The following TIMP2 variants were observed in gnomAD, a reference collection of about 807,000 sequenced individuals.
TIMP2 encodes metalloproteinase inhibitor 2.
Under a neutral mutation model 24.3 loss-of-function variants are expected in TIMP2, and 5 were observed. That is an observed-to-expected ratio of 0.21 (90% CI 0.11 to 0.43). The LOEUF (loss-of-function observed/expected upper bound fraction) is 0.43, where lower values mean the gene tolerates loss of function less well. TIMP2 is among the 20% of genes least tolerant of loss of function. The probability of loss-of-function intolerance (pLI) is 1.00; values close to 1 mark genes in which losing one functional copy is unlikely to be tolerated. For missense variants in TIMP2, 221 were observed against 297.5 expected (o/e 0.74, Z 1.89); for synonymous variants, 130 against 123.2 (o/e 1.06, Z -0.37).
At chr17:78,860,241 T>C (rs1017543048) in intron 3 of TIMP2, among the ~76,000 whole-genome samples, 1 of 151,994 alleles carries the variant, frequency 6.6e-6, no homozygotes, top group Non-Finnish European at 1.5e-5. Flanking sequence ...CAGCCCCTTG[T>C]GAAGAGACAC....
intron 1 of TIMP2, among the ~76,000 whole-genome samples, chr17:78,914,270 T>TTTATTTATTTAC (rs1244056496): frequency 2.1e-4 from 19 of 92,210 alleles, no homozygotes; most frequent in Admixed American, 8.2e-4. Flanking sequence ...CATTTATTTA[T>TTTATTTATTTAC]TTATTTATTT....
chr17:78,882,247 C>T (rs1255776661), intron 1 of TIMP2, among the ~76,000 whole-genome samples: 2 of 152,356 alleles, frequency 1.3e-5, no homozygotes, highest in East Asian at 1.9e-4. Context: ...GCTGGGATTA[C>T]AGGCGTGAGC....
intron 3 of TIMP2, among the ~76,000 whole-genome samples, chr17:78,867,090 G>A (rs761335958): frequency 1.2e-4 from 19 of 152,022 alleles, no homozygotes; most frequent in Non-Finnish European, 2.1e-4. Context: ...GTGAAACCCC[G>A]TATCTACTAA....
At chr17:78,914,672 C>G (rs879750189) in intron 1 of TIMP2, among the ~76,000 whole-genome samples, 10 of 151,962 alleles carry the variant, frequency 6.6e-5, no homozygotes, top group Non-Finnish European at 1.3e-4. Flanking sequence ...AACTCCTGGG[C>G]TCCAGTGATC....
At chr17:78,876,064 G>A (rs915827204) in intron 1 of TIMP2, among the ~76,000 whole-genome samples, 22 of 152,146 alleles carry the variant, frequency 1.4e-4, no homozygotes, top group Non-Finnish European at 2.5e-4. Flanking sequence ...CAGAACAGAC[G>A]GCTTTGCCCT....
intron 1 of TIMP2, among the ~76,000 whole-genome samples, chr17:78,922,048 C>T (rs539112279): frequency 2.3e-3 from 341 of 151,344 alleles, no homozygotes; most frequent in African/African-American, 6.9e-3. Flanking sequence ...GGTCACAGCC[C>T]TGGTTAAATC....
At chr17:78,893,461 G>C (rs537221803) in intron 1 of TIMP2, among the ~76,000 whole-genome samples, 5 of 150,542 alleles carry the variant, frequency 3.3e-5, no homozygotes, top group African/African-American at 1.2e-4. Context: ...GTGTGCAGGG[G>C]TGTGTGTGCA....
intron 1 of TIMP2, among the ~76,000 whole-genome samples, chr17:78,906,156 A>AC (rs2145789299): frequency 6.6e-6 from 1 of 152,202 alleles, no homozygotes; most frequent in South Asian, 2.1e-4. Flanking sequence ...AGATGGCTTG[A>AC]CCCCAGGAGT....
chr17:78,855,644 C>T lies in TIMP2; in HGVS notation c.*23G>A. On this transcript the variant is annotated 3_prime_UTR_variant, in exon 5 of 5. Coordinates refer to ENST00000262768, the MANE Select transcript of TIMP2 (RefSeq NM_003255.5). This position sits in a 1 kb window ranked among gnomAD's most constrained non-coding sequence, Gnocchi z 6.0. ...CCTTGGAGGCTTTTTTTGCAGTTGG[C>T]CACAGGGGCGTTGGAGGCCTGCTTA... The T allele has an allele frequency of 6.2e-7, 1 of 1,611,278 alleles. No homozygotes were observed.
chr17:78,864,081 T>C (rs1205722534), intron 3 of TIMP2, among the ~76,000 whole-genome samples: 1 of 152,134 alleles, frequency 6.6e-6, no homozygotes, highest in Non-Finnish European at 1.5e-5. Context: ...AGTCGTTATC[T>C]TTTTCTCTTC....
chr17:78,913,645 A>G (rs1237845421), intron 1 of TIMP2, among the ~76,000 whole-genome samples: 1 of 152,146 alleles, frequency 6.6e-6, no homozygotes, highest in Non-Finnish European at 1.5e-5. Flanking sequence ...CAGGAGGCTG[A>G]GGCTGCAGTG....
At chr17:78,869,896 G>A (rs1468486247) in intron 3 of TIMP2, among the ~76,000 whole-genome samples, 1 of 152,248 alleles carries the variant, frequency 6.6e-6, no homozygotes, top group African/African-American at 2.4e-5. Context: ...ACTGAAATAA[G>A]CCAGACAGAG....
intron 1 of TIMP2, among the ~76,000 whole-genome samples, chr17:78,878,409 C>T (rs1303127971): frequency 6.6e-6 from 1 of 152,140 alleles, no homozygotes; most frequent in Non-Finnish European, 1.5e-5. Flanking sequence ...GGAACTAATG[C>T]GTGTACAGTT....
chr17:78,890,755 G>A, intron 1 of TIMP2: 1 of 1,550,662 alleles, frequency 6.4e-7, no homozygotes. Context: ...GACTGTGCCG[G>A]TCGTCGTCGG....
chr17:78,892,281 G>A (rs1403354380), intron 1 of TIMP2: 1 of 1,550,622 alleles, frequency 6.4e-7, no homozygotes, highest in Non-Finnish European at 8.7e-7. Flanking sequence ...TTCCTCCAAA[G>A]CAGGTCTTCG....
chr17:78,855,811 G>C lies in TIMP2; in HGVS notation c.519C>G (p.Leu173=), dbSNP rs745988870. 11 of 1,614,056 alleles carry C rather than the reference G, an allele frequency of 6.8e-6. No individual in the cohort carries two copies. Among genetic ancestry groups the C allele is most frequent in the Non-Finnish European group, 9.3e-6 (11 of 1,180,030 alleles). The change falls in exon 5 of 5, where the codon CTC becomes CTG. Residue 173 remains leucine (L), a synonymous_variant. Coordinates refer to ENST00000262768, the MANE Select transcript of TIMP2 (RefSeq NM_003255.5). The surrounding 1 kb of genome is among the most constrained non-coding windows in gnomAD (Gnocchi z 6.0). ...TCTTCTCTGTGACCCAGTCCATCCA[G>C]AGGCACTCGTCCGGGGAGGAGATGT... ...PCYISSPDEC[L]WMDWVTEKNI...
At chr17:78,883,164 G>A (rs1434859607) in intron 1 of TIMP2, among the ~76,000 whole-genome samples, 2 of 152,216 alleles carry the variant, frequency 1.3e-5, no homozygotes, top group Non-Finnish European at 2.9e-5. Context: ...AGCCAGCAAC[G>A]GGGCCTTCTG....
At chr17:78,892,145 TCCTGATAC>T in intron 1 of TIMP2, 1 of 1,550,802 alleles carries the variant, frequency 6.4e-7, no homozygotes. Context: ...GTGCTGTGCC[TCCTGATAC>T]CCTCTCCTCA....
intron 1 of TIMP2, among the ~76,000 whole-genome samples, chr17:78,911,900 A>C (rs1033606333): frequency 2.6e-5 from 4 of 151,262 alleles, no homozygotes; most frequent in Non-Finnish European, 4.4e-5. Flanking sequence ...ACACCAAAAA[A>C]AAAAAAAAAA....
Sources: gnomAD v4.1 joint callset for allele counts (sites outside exome capture counted in the v4.1 genomes callset) on GRCh38, gnomAD v4.1.1 for gene constraint, Gnocchi (gnomAD v3.1) non-coding constraint, MANE v1.5 for transcripts, NCBI Gene and HGNC (gene_info 2026-07-23, HGNC 2026-07-21) for gene names.